PRKACA: variants seen among roughly 807,000 people sequenced by gnomAD.
PRKACA encodes the protein protein kinase cAMP-activated catalytic subunit alpha.
Under a neutral mutation model 45.8 loss-of-function variants are expected in PRKACA, and 9 were observed. The observed-to-expected ratio is 0.20, with a 90% confidence interval of 0.12 to 0.34. PRKACA has a LOEUF of 0.34. Ranked by LOEUF, PRKACA falls within the 10% of genes least tolerant of loss-of-function variation. The pLI is 1.00. For synonymous variants in PRKACA, 160 were observed against 178.6 expected (o/e 0.90, Z 0.83); for missense variants, 238 against 458.6 (o/e 0.52, Z 4.39).
chr19:14,098,965 T>C (rs1177435389), intron 5 of PRKACA, among the ~76,000 whole-genome samples: 1 of 152,112 alleles, frequency 6.6e-6, no homozygotes, highest in Non-Finnish European at 1.5e-5. Context: ...TTGTTGTATG[T>C]AAAGTGAATC....
At position 14,097,996 on chromosome 19, in the gene PRKACA, C is replaced by T. The variant is rs1177642869; in HGVS notation, c.420-106G>A. ...CAGAGGAAGACACCTCCAGTCCAGC[C>T]GTCAGAAACGCAAGGCACCTGATTC... On this transcript the variant is annotated intron_variant, in intron 5 of 9. Coordinates refer to ENST00000308677, the MANE Select transcript of PRKACA (RefSeq NM_002730.4). This position sits in a 1 kb window ranked among gnomAD's most constrained non-coding sequence, Gnocchi z 5.4. 5.6e-6 allele frequency: 8 copies of T among 1,431,880 alleles called. No homozygotes were observed. In the East Asian group the frequency reaches 6.9e-5, roughly 12 times the overall value. 88.7% of individuals were successfully genotyped at this position (1,431,880 alleles called of 1,614,324 possible).
chr19:14,093,046 TC>T lies in PRKACA; in HGVS notation c.*65del. 1.2e-5 allele frequency: 1 copy of T among 85,298 alleles called. No homozygotes were observed. The highest frequency in any genetic ancestry group is 2.2e-5 in the Non-Finnish European group (1 of 45,338). The allele number at this position is 85,298 out of a possible 1,614,324, so 5.3% of individuals were successfully genotyped here. ...GCCCTCTGGCTGTTCAATCCAACCC[TC>T]CCACCCCCCCGACCAAAAAAAAGAA... On this transcript the variant is annotated 3_prime_UTR_variant, in exon 10 of 10. Transcript: ENST00000308677.
chr19:14,097,723 C>G lies in PRKACA; in HGVS notation c.546+41G>C, dbSNP rs773278354. The G allele has an allele frequency of 6.8e-6, 11 of 1,613,494 alleles. No individual in the cohort carries two copies. The highest frequency in any genetic ancestry group is 9.3e-6 in the Non-Finnish European group (11 of 1,179,686). On this transcript the variant is annotated intron_variant, in intron 6 of 9. Coordinates refer to ENST00000308677, the MANE Select transcript of PRKACA (RefSeq NM_002730.4). The surrounding 1 kb of genome is among the most constrained non-coding windows in gnomAD (Gnocchi z 5.4). ...TGGCAGGGAGGAAGGGTCCAGGCCA[C>G]GGCTTCCCCAGGGCTGCCCCTCGCC...
In PRKACA at chr19:14,093,660, T is replaced by G; in HGVS notation, c.898A>C (p.Thr300Pro). 6.2e-7 allele frequency: 1 copy of G among 1,614,108 alleles called. No individual in the cohort carries two copies. The highest frequency in any genetic ancestry group is 1.7e-5 in the Admixed American group (1 of 60,004). The change falls in exon 9 of 10, where the codon ACA becomes CCA. Residue 300 changes from threonine (T) to proline (P), a missense_variant. Thr to Pro is a conservative substitution (Grantham distance 38). Around this residue, in one of 3 missense-constraint regions of PRKACA, gnomAD observed 51 missense variants for 68.6 expected, o/e 0.74. Coordinates refer to ENST00000308677, the MANE Select transcript of PRKACA (RefSeq NM_002730.4). ...NDIKNHKWFATTDWIAIYQRK... is the reference protein window; with the variant it reads ...NDIKNHKWFAPTDWIAIYQRK... ...TGGTAGATGGCAATCCAGTCAGTTG[T>G]GGCAAACCACTTGTGGTTCTTGATA...
rs543988181 is a variant in PRKACA, at chr19:14,097,164, G to A, written c.765+197C>T. 5.3e-6 allele frequency: 4 copies of A among 754,552 alleles called. No homozygotes were observed. Among genetic ancestry groups the A allele is most frequent in the Admixed American group, 2.6e-5 (1 of 37,838 alleles). 46.7% of individuals were successfully genotyped at this position (754,552 alleles called of 1,614,324 possible). On this transcript the variant is annotated intron_variant, in intron 8 of 9. Coordinates refer to ENST00000308677, the MANE Select transcript of PRKACA (RefSeq NM_002730.4). The surrounding 1 kb of genome is among the most constrained non-coding windows in gnomAD (Gnocchi z 5.4). ...TGGAAGCCCATGGGATTCTGGAACC[G>A]CGGGGTTGGGGCTGGACAGCAAGGG...
chr19:14,095,332 G>A (rs1007342259), intron 8 of PRKACA, among the ~76,000 whole-genome samples: 4 of 151,704 alleles, frequency 2.6e-5, no homozygotes, highest in African/African-American at 9.7e-5. Flanking sequence ...CACCATATCC[G>A]GCTAATTTTT....
chr19:14,100,733 GCTGGACTCCT>G, intron 5 of PRKACA, 83 bp downstream of exon 5: 1 of 1,262,026 alleles, frequency 7.9e-7, no homozygotes, highest in East Asian at 2.3e-5. Flanking sequence ...GTTGAAGTAT[GCTGGACTCCT>G]CTGCATTCCC....
chr19:14,093,796 G>C lies in PRKACA; in HGVS notation c.766-4C>G. 2 of 1,611,006 alleles carry C rather than the reference G, an allele frequency of 1.2e-6. No homozygotes were observed. Among genetic ancestry groups the C allele is most frequent in the Non-Finnish European group, 8.5e-7 (1 of 1,178,498 alleles). On this transcript the variant is annotated splice_region_variant and splice_polypyrimidine_tract_variant and intron_variant, in intron 8 of 9. Coordinates refer to ENST00000308677, the MANE Select transcript of PRKACA (RefSeq NM_002730.4). Reference sequence around the variant, plus strand: ...TGAAGTGGGAAGGGAAGCGCACCTGGAGGAAGGGGTACAAGGACAGGGTGG... The same window carrying C: ...TGAAGTGGGAAGGGAAGCGCACCTGCAGGAAGGGGTACAAGGACAGGGTGG...
At chr19:14,105,616 G>GT (rs144788562) in intron 3 of PRKACA, among the ~76,000 whole-genome samples, 24 of 152,038 alleles carry the variant, frequency 1.6e-4, no homozygotes, top group Non-Finnish European at 3.2e-4. Context: ...AACTTTGGGT[G>GT]TTTTTTTAGA....
chr19:14,102,362 G>A (rs1306116776), intron 4 of PRKACA, among the ~76,000 whole-genome samples: 2 of 152,054 alleles, frequency 1.3e-5, no homozygotes, highest in African/African-American at 2.4e-5. Context: ...CGCTCAAGAC[G>A]TGCCTGGAAC....
rs1418578756 is a variant in PRKACA, at chr19:14,103,279, C to T, written c.238-365G>A. 2.0e-5 allele frequency among the ~76,000 whole-genome samples: 3 copies of T among 152,220 alleles called. No individual in the cohort carries two copies. The East Asian group carries it at 5.8e-4, about 29-fold the overall frequency. The stretch of plus-strand genomic sequence containing the variant: ...AGACAGCGCTTTCTGGAGGAAGGGG[C>T]AGCTGAACTGAAATTGAAAAGACAG... On this transcript the variant is annotated intron_variant, in intron 3 of 9. Coordinates refer to ENST00000308677, the MANE Select transcript of PRKACA (RefSeq NM_002730.4).
At chr19:14,115,702 G>A (rs1184408822) in intron 1 of PRKACA, among the ~76,000 whole-genome samples, 1 of 152,074 alleles carries the variant, frequency 6.6e-6, no homozygotes, top group Non-Finnish European at 1.5e-5. Context: ...CTTTTTCTTG[G>A]GATCCTTTTT....
chr19:14,114,781 TCC>T (rs1261693805), intron 1 of PRKACA, among the ~76,000 whole-genome samples: 1 of 149,124 alleles, frequency 6.7e-6, no homozygotes, highest in South Asian at 2.1e-4. Flanking sequence ...GGGTGTAGAT[TCC>T]CCCAACTCCA....
At chr19:14,096,276 C>T (rs1395524579) in intron 8 of PRKACA, 1 of 151,578 alleles carries the variant, frequency 6.6e-6, no homozygotes, top group Non-Finnish European at 1.5e-5. Context: ...GAACTCCCGA[C>T]CTCAGGTGAT....
At chr19:14,106,640 C>T (rs1977613613) in intron 3 of PRKACA, 120 bp downstream of exon 3, 5 of 1,389,058 alleles carry the variant, frequency 3.6e-6, no homozygotes, top group Admixed American at 1.9e-5. Context: ...AGCGACAGAG[C>T]GAGACTCTGA....
At position 14,097,691 on chromosome 19, in the gene PRKACA, A is replaced by G. The variant is rs369094091; in HGVS notation, c.547-17T>C. ...GTCTGTCACCTGTGGGCACAAGAAC[A>G]GGCAGTTGGCAGGGAGGAAGGGTCC... is the stretch of plus-strand genomic sequence containing the variant. On this transcript the variant is annotated splice_polypyrimidine_tract_variant and intron_variant, in intron 6 of 9. Transcript: ENST00000308677. This position sits in a 1 kb window ranked among gnomAD's most constrained non-coding sequence, Gnocchi z 5.4. The G allele has an allele frequency of 6.2e-6, 10 of 1,611,170 alleles. No homozygotes were observed. In the African/African-American group the frequency reaches 1.1e-4, roughly 17 times the overall value.
chr19:14,105,509 C>T (rs1977575803), intron 3 of PRKACA, among the ~76,000 whole-genome samples: 1 of 147,374 alleles, frequency 6.8e-6, no homozygotes, highest in South Asian at 2.1e-4. Context: ...GAGACTCTGT[C>T]TCAAAAAAAA....
intron 4 of PRKACA, among the ~76,000 whole-genome samples, chr19:14,102,459 C>G (rs1348299880): frequency 2.0e-5 from 3 of 152,272 alleles, no homozygotes; most frequent in East Asian, 1.9e-4. Flanking sequence ...AGTCTCTTGC[C>G]CGGGGCCACA....
chr19:14,094,791 C>G (rs1977195980), intron 8 of PRKACA, among the ~76,000 whole-genome samples: 1 of 152,220 alleles, frequency 6.6e-6, no homozygotes, highest in Non-Finnish European at 1.5e-5. Context: ...TTTCTCTCCT[C>G]TCTTTCTGCA....
Sources: gnomAD v4.1 joint callset for allele counts (sites outside exome capture counted in the v4.1 genomes callset) on GRCh38, gnomAD v4.1.1 for gene constraint, gnomAD v4.1.1 regional missense constraint, Gnocchi (gnomAD v3.1) non-coding constraint, MANE v1.5 for transcripts, NCBI Gene and HGNC (gene_info 2026-07-23, HGNC 2026-07-21) for gene names.